The following GABRB2 variants were observed in gnomAD, a reference collection of about 807,000 sequenced individuals.
GABRB2 encodes the protein gamma-aminobutyric acid receptor subunit beta-2.
Under a neutral mutation model 54.7 loss-of-function variants are expected in GABRB2, and 16 were observed. The ratio of observed to expected loss-of-function variants is 0.29; its 90% CI spans 0.20 to 0.44. The LOEUF (loss-of-function observed/expected upper bound fraction) is 0.44. Among genes scored for constraint, GABRB2 ranks in the 20% least tolerant of loss-of-function variants. The pLI is 1.00. For missense variants in GABRB2, 355 were observed against 644.0 expected, an observed-to-expected ratio of 0.55 and a Z score of 4.86; for synonymous variants, 244 against 233.8, an observed-to-expected ratio of 1.04 and a Z score of -0.40.
At position 161,370,530 on chromosome 5, in the gene GABRB2, A is replaced by G. The variant is rs143869950; in HGVS notation, c.542-33761T>C. Among the ~76,000 whole-genome samples, 5 of 152,278 alleles carry G rather than the reference A, an allele frequency of 3.3e-5. No individual in the cohort carries two copies. In the East Asian group the frequency reaches 7.7e-4, roughly 24 times the overall value. On this transcript the variant is annotated intron_variant, in intron 5 of 9. Coordinates refer to ENST00000393959, the MANE Select transcript of GABRB2 (RefSeq NM_001371727.1). Reference sequence around the variant, plus strand: ...ACTCTGTAGATCTGTCATTTCACCTAGAGAAAACTGCTCTGTGACTTCCTA... The same window carrying G: ...ACTCTGTAGATCTGTCATTTCACCTGGAGAAAACTGCTCTGTGACTTCCTA...
At chr5:161,381,922 G>T (rs1755481806) in intron 5 of GABRB2, among the ~76,000 whole-genome samples, 1 of 152,092 alleles carries the variant, frequency 6.6e-6, no homozygotes, top group African/African-American at 2.4e-5. Flanking sequence ...AGTACAGTAT[G>T]GGATATGCAG....
chr5:161,303,319 G>A (rs1385056728), intron 9 of GABRB2, among the ~76,000 whole-genome samples: 2 of 152,132 alleles, frequency 1.3e-5, no homozygotes, highest in East Asian at 1.9e-4. Context: ...ATGCTATCTA[G>A]TTGTTGTTGT....
At chr5:161,373,167 T>C (rs542745128) in intron 5 of GABRB2, among the ~76,000 whole-genome samples, 2 of 152,144 alleles carry the variant, frequency 1.3e-5, no homozygotes, top group East Asian at 1.9e-4. Context: ...CATGGGTAAA[T>C]AGTCATTAAA....
intron 5 of GABRB2, among the ~76,000 whole-genome samples, chr5:161,338,527 C>T (rs1479668469): frequency 1.3e-5 from 2 of 152,094 alleles, no homozygotes; most frequent in African/African-American, 4.8e-5. Context: ...GTGGCTCATG[C>T]CTGTAATCCC....
At chr5:161,485,662 G>A (rs1429295592) in intron 3 of GABRB2, among the ~76,000 whole-genome samples, 1 of 151,874 alleles carries the variant, frequency 6.6e-6, no homozygotes, top group African/African-American at 2.4e-5. Context: ...TCATTCAGAT[G>A]GTACTGACCT....
rs1379033596 is a variant in GABRB2, at chr5:161,470,923, T to C, written c.238-11079A>G. ...ACACAGGTGACCCTTCATGAGTATT[T>C]CTTCATCGATACACTAAAGCTTGTT... On this transcript the variant is annotated intron_variant, in intron 3 of 9. Transcript: ENST00000393959. 2.0e-5 allele frequency among the ~76,000 whole-genome samples: 3 copies of C among 152,080 alleles called. No homozygotes were observed. The East Asian group carries it at 5.8e-4, about 30-fold the overall frequency.
chr5:161,448,870 C>G (rs573370616), intron 4 of GABRB2, among the ~76,000 whole-genome samples: 8 of 152,158 alleles, frequency 5.3e-5, no homozygotes, highest in African/African-American at 1.7e-4. Context: ...ACTTTATGTG[C>G]TGTATTTATA....
chr5:161,388,320 G>T (rs1755709464), intron 5 of GABRB2, among the ~76,000 whole-genome samples: 1 of 151,980 alleles, frequency 6.6e-6, no homozygotes, highest in South Asian at 2.1e-4. Context: ...ATAGAAGAAG[G>T]CTTTAAAAAT....
chr5:161,454,370 T>C (rs1002208732), intron 4 of GABRB2, among the ~76,000 whole-genome samples: 6 of 152,162 alleles, frequency 3.9e-5, no homozygotes, highest in African/African-American at 1.4e-4. Context: ...TCCTCAACAC[T>C]GTTTGACAAT....
At chr5:161,417,832 G>C (rs1756724974) in intron 4 of GABRB2, among the ~76,000 whole-genome samples, 1 of 152,068 alleles carries the variant, frequency 6.6e-6, no homozygotes, top group African/African-American at 2.4e-5. Context: ...TACCTCCACA[G>C]AGGCCTTCTG....
At chr5:161,460,242 G>A (rs535539118) in intron 3 of GABRB2, among the ~76,000 whole-genome samples, 23 of 151,020 alleles carry the variant, frequency 1.5e-4, no homozygotes, top group Admixed American at 1.4e-3. Flanking sequence ...CACCACAACC[G>A]GCCAAGAAAA....
At chr5:161,303,518 C>T (rs1757597221) in intron 9 of GABRB2, among the ~76,000 whole-genome samples, 1 of 152,066 alleles carries the variant, frequency 6.6e-6, no homozygotes. Flanking sequence ...ATCAAGTGAA[C>T]ATGTATAGCT....
At chr5:161,404,862 G>A (rs1208344820) in intron 5 of GABRB2, among the ~76,000 whole-genome samples, 3 of 152,028 alleles carry the variant, frequency 2.0e-5, no homozygotes, top group Non-Finnish European at 4.4e-5. Context: ...ACATATTTTT[G>A]CTTGTGCCAA....
chr5:161,466,820 A>AT (rs555546380), intron 3 of GABRB2, among the ~76,000 whole-genome samples: 279 of 151,688 alleles, frequency 1.8e-3, no homozygotes, highest in African/African-American at 6.3e-3. Flanking sequence ...TCCAATATGC[A>AT]TTTTTTTCTG....
chr5:161,456,995 C>T (rs13187610), intron 4 of GABRB2, among the ~76,000 whole-genome samples: 3,414 of 152,224 alleles, frequency 0.022, 61 homozygotes, highest in Non-Finnish European at 0.034. Context: ...ATTCCTTTTA[C>T]CTATCTATTG....
chr5:161,485,840 G>A (rs1322814934), intron 3 of GABRB2, among the ~76,000 whole-genome samples: 4 of 151,890 alleles, frequency 2.6e-5, no homozygotes, highest in African/African-American at 7.2e-5. Flanking sequence ...TTTACACCCT[G>A]GAACTTTCCA....
upstream of GABRB2, among the ~76,000 whole-genome samples, chr5:161,547,733 C>CG: frequency 6.6e-6 from 1 of 152,050 alleles, no homozygotes; most frequent in South Asian, 2.1e-4. Context: ...AGCGCAGGTG[C>CG]GGGGGACTGG....
At chr5:161,306,110 TG>T (rs35321847) in intron 9 of GABRB2, among the ~76,000 whole-genome samples, 16,596 of 152,278 alleles carry the variant, frequency 0.11, 1,051 homozygotes, top group Non-Finnish European at 0.14. Context: ...CTCTTGTTCA[TG>T]GGTTTTGAAA....
At chr5:161,357,985 C>A (rs1249913452) in intron 5 of GABRB2, among the ~76,000 whole-genome samples, 1 of 152,098 alleles carries the variant, frequency 6.6e-6, no homozygotes, top group African/African-American at 2.4e-5. Flanking sequence ...TATTTCAGTG[C>A]AATCAGCATA....
Sources: gnomAD v4.1 joint callset for allele counts (sites outside exome capture counted in the v4.1 genomes callset) on GRCh38, gnomAD v4.1.1 for gene constraint, MANE v1.5 for transcripts, NCBI Gene and HGNC (gene_info 2026-07-23, HGNC 2026-07-21) for gene names.